Variants in VOPP1 observed in about 807,000 individuals in gnomAD.
VOPP1 encodes the protein WW domain binding protein VOPP1.
VOPP1 carries 8 observed loss-of-function variants against 23.5 expected under a neutral mutation model. The ratio of observed to expected loss-of-function variants is 0.34; its 90% CI spans 0.20 to 0.61. VOPP1 has a LOEUF of 0.61. VOPP1 is among the 20% of genes least tolerant of loss of function. The pLI is 0.78. For synonymous variants in VOPP1, 83 were observed against 97.3 expected (o/e 0.85, Z 0.86); for missense variants, 174 against 238.1 (o/e 0.73, Z 1.77).
chr7:55,530,012 T>G (rs1796409956), intron 1 of VOPP1, among the ~76,000 whole-genome samples: 1 of 152,208 alleles, frequency 6.6e-6, no homozygotes, highest in Non-Finnish European at 1.5e-5. Context: ...AATGCTGCCA[T>G]ATCCATTTGC....
At chr7:55,568,985 C>A (rs907504013) in intron 1 of VOPP1, among the ~76,000 whole-genome samples, 1 of 152,212 alleles carries the variant, frequency 6.6e-6, no homozygotes, top group African/African-American at 2.4e-5. Flanking sequence ...CTCTGAGGTT[C>A]CCTACTCTTA....
intron 4 of VOPP1, among the ~76,000 whole-genome samples, chr7:55,453,983 A>C (rs1791305679): frequency 6.6e-6 from 1 of 152,206 alleles, no homozygotes; most frequent in Non-Finnish European, 1.5e-5. Flanking sequence ...AGTAGAGAAA[A>C]TAGTATACCA....
chr7:55,513,316 A>AT (rs1562943828), intron 2 of VOPP1, among the ~76,000 whole-genome samples: 1 of 152,136 alleles, frequency 6.6e-6, no homozygotes, highest in Non-Finnish European at 1.5e-5. Flanking sequence ...CATGACACTG[A>AT]TGATCGTATT....
At chr7:55,515,819 G>A (rs963210982) in intron 2 of VOPP1, 8 of 234,338 alleles carry the variant, frequency 3.4e-5, no homozygotes, top group East Asian at 1.8e-4. Context: ...GTGGACCTGC[G>A]TCTAGGCTCT....
At chr7:55,501,485 A>G (rs994971977) in intron 2 of VOPP1, among the ~76,000 whole-genome samples, 2 of 152,204 alleles carry the variant, frequency 1.3e-5, no homozygotes, top group African/African-American at 4.8e-5. Context: ...GGTGGCCCTC[A>G]GGCTCAGGTC....
rs561822753 is a variant in VOPP1, at chr7:55,450,276, C to T, written n.418-14102G>A. Reference sequence around the variant, plus strand: ...TTGAGGTCCCACCAGTCCTCCGCCTCTTCTCTTGGGTGTCCCCAGCAGCAC... The same window carrying T: ...TTGAGGTCCCACCAGTCCTCCGCCTTTTCTCTTGGGTGTCCCCAGCAGCAC... On this transcript the variant is annotated intron_variant and non_coding_transcript_variant, in intron 4 of 4. Transcript: ENST00000462326. Among the ~76,000 whole-genome samples, 31 of 152,302 alleles carry T rather than the reference C, an allele frequency of 2.0e-4. No homozygotes were observed. In the South Asian group the frequency reaches 5.6e-3, roughly 27 times the overall value.
At chr7:55,457,435 A>G (rs973291713) in intron 4 of VOPP1, among the ~76,000 whole-genome samples, 4 of 152,200 alleles carry the variant, frequency 2.6e-5, no homozygotes, top group Non-Finnish European at 5.9e-5. Context: ...ATGGAGGTCA[A>G]GTGTCCCTGT....
chr7:55,463,333 G>A (rs572162423), intron 4 of VOPP1, among the ~76,000 whole-genome samples: 1 of 152,226 alleles, frequency 6.6e-6, no homozygotes, highest in Admixed American at 6.5e-5. Flanking sequence ...GAGGCATTCT[G>A]TTTCCTTGCT....
At chr7:55,488,576 C>T (rs1378811806) in intron 4 of VOPP1, among the ~76,000 whole-genome samples, 2 of 152,166 alleles carry the variant, frequency 1.3e-5, no homozygotes, top group Admixed American at 1.3e-4. Flanking sequence ...CCAGAAGCCT[C>T]TTTGCAATGC....
chr7:55,526,219 G>C (rs1186669075), intron 1 of VOPP1, among the ~76,000 whole-genome samples: 1 of 152,236 alleles, frequency 6.6e-6, no homozygotes, highest in African/African-American at 2.4e-5. Flanking sequence ...CTCCCTTGAG[G>C]GGATCAACAG....
rs146871951 is a variant in VOPP1, at chr7:55,485,926, G to C, written c.328+6356C>G. ...GGTAGACTCGGGAGACAAGGGATCTGAAGGAGGCTCTGCTTCCCACGGGGA... is the reference window on the plus strand; with the variant it reads ...GGTAGACTCGGGAGACAAGGGATCTCAAGGAGGCTCTGCTTCCCACGGGGA... On this transcript the variant is annotated intron_variant, in intron 4 of 4. Coordinates refer to ENST00000285279, the MANE Select transcript of VOPP1 (RefSeq NM_030796.5). Among the ~76,000 whole-genome samples the C allele has an allele frequency of 6.1e-4, 93 of 152,356 alleles. 1 individual carries two copies. The Middle Eastern group carries it at 0.017, about 28-fold the overall frequency.
chr7:55,548,817 G>A (rs1020570551), intron 1 of VOPP1, among the ~76,000 whole-genome samples: 5 of 152,210 alleles, frequency 3.3e-5, no homozygotes, highest in Admixed American at 6.5e-5. Flanking sequence ...ATAAGTAGAC[G>A]AAAGATGAAA....
At position 55,552,302 on chromosome 7, in the gene VOPP1, C is replaced by T. The variant is rs115161194; in HGVS notation, c.54+19969G>A. 3.2e-3 allele frequency among the ~76,000 whole-genome samples: 485 copies of T among 152,314 alleles called. 2 individuals are homozygous for T. Among genetic ancestry groups the T allele is most frequent in the African/African-American group, 0.011 (440 of 41,556 alleles). ...GTAATTTAGCTGATTTTAAAACCTC[C>T]GTACAAAATGCCTCTCCTCCCAAGA... On this transcript the variant is annotated intron_variant, in intron 1 of 4. Transcript: ENST00000285279.
chr7:55,529,570 T>C (rs1427322518), intron 1 of VOPP1, among the ~76,000 whole-genome samples: 2 of 152,196 alleles, frequency 1.3e-5, no homozygotes, highest in African/African-American at 4.8e-5. Context: ...ATCCAAGTTC[T>C]AGCTCAATTT....
At position 55,497,783 on chromosome 7, in the gene VOPP1, T is replaced by C. The variant is rs1264861931; in HGVS notation, c.114-93A>G. 15 of 1,096,078 alleles carry C rather than the reference T, an allele frequency of 1.4e-5. No individual in the cohort carries two copies. In the Admixed American group the frequency reaches 2.7e-4, roughly 20 times the overall value. 67.9% of individuals were successfully genotyped at this position (1,096,078 alleles called of 1,614,324 possible). ...AGGCTGGGCTTCAATGTAATCATTC[T>C]TGAAGGAAGAAATCAGTAAGAGCAA... On this transcript the variant is annotated intron_variant, in intron 2 of 4. Transcript: ENST00000285279.
At position 55,552,691 on chromosome 7, in the gene VOPP1, T is replaced by TCCTGGTGCC. The variant is rs754075635; in HGVS notation, c.54+19579_54+19580insGGCACCAGG. 3.9e-6 allele frequency: 6 copies of TCCTGGTGCC among 1,536,022 alleles called. No individual in the cohort carries two copies. The South Asian group carries it at 7.1e-5, about 18-fold the overall frequency. Reference sequence around the variant, plus strand: ...CTTCCAACAATGGGGGGCACTCAGGTCCTGGAGCCCCAGCCCCTCCGAAGG... The same window carrying TCCTGGTGCC: ...CTTCCAACAATGGGGGGCACTCAGGTCCTGGTGCCCCTGGAGCCCCAGCCCCTCCGAAGG... On this transcript the variant is annotated intron_variant, in intron 1 of 4. Transcript: ENST00000285279.
chr7:55,569,195 C>T (rs781267168), intron 1 of VOPP1, among the ~76,000 whole-genome samples: 21 of 152,190 alleles, frequency 1.4e-4, no homozygotes, highest in Admixed American at 5.9e-4. Flanking sequence ...AGGGATGGTG[C>T]TGTCAGCTGC....
At chr7:55,544,638 G>A (rs974497335) in intron 1 of VOPP1, among the ~76,000 whole-genome samples, 3 of 152,192 alleles carry the variant, frequency 2.0e-5, no homozygotes, top group African/African-American at 7.2e-5. Flanking sequence ...CTCACCAGAG[G>A]GGAAACTGAA....
At chr7:55,454,601 A>G (rs1791321823) in intron 4 of VOPP1, among the ~76,000 whole-genome samples, 1 of 152,244 alleles carries the variant, frequency 6.6e-6, no homozygotes, top group Non-Finnish European at 1.5e-5. Context: ...CTTATGTACC[A>G]TGATCAAGTT....
Sources: allele counts gnomAD v4.1 joint callset (sites outside exome capture counted in the v4.1 genomes callset), GRCh38; gene constraint gnomAD v4.1.1; transcripts MANE v1.5; gene names NCBI Gene and HGNC (gene_info 2026-07-23, HGNC 2026-07-21).